The following CTNNA3 variants were observed in gnomAD, a reference collection of about 807,000 sequenced individuals.
The protein encoded by CTNNA3 is catenin alpha-3.
Under a neutral mutation model 95.7 loss-of-function variants are expected in CTNNA3, and 76 were observed. The ratio of observed to expected loss-of-function variants is 0.79; its 90% CI spans 0.66 to 0.96. CTNNA3 has a LOEUF of 0.96. Ranked by LOEUF, CTNNA3 falls within the 40% of genes least tolerant of loss-of-function variation. The probability of loss-of-function intolerance (pLI) is 0.00; values close to 1 mark genes in which losing one functional copy is unlikely to be tolerated. For synonymous variants in CTNNA3, 431 were observed against 374.4 expected (o/e 1.15, Z -1.74); for missense variants, 1,191 against 1,089.8 (o/e 1.09, Z -1.31).
intron 13 of CTNNA3, among the ~76,000 whole-genome samples, chr10:66,237,805 A>G (rs1422588599): frequency 6.6e-6 from 1 of 152,124 alleles, no homozygotes; most frequent in Non-Finnish European, 1.5e-5. Flanking sequence ...AAAATTCTAA[A>G]TAATCATACA....
intron 9 of CTNNA3, among the ~76,000 whole-genome samples, chr10:66,643,790 T>A (rs1007755592): frequency 2.6e-5 from 4 of 152,222 alleles, no homozygotes. Context: ...ATATCCCTTC[T>A]CTTCATTCTA....
chr10:67,699,913 C>G (rs1841021803), upstream of CTNNA3, among the ~76,000 whole-genome samples: 1 of 152,230 alleles, frequency 6.6e-6, no homozygotes, highest in South Asian at 2.1e-4. Flanking sequence ...TCGGGTCACT[C>G]CCACCCTAAT....
intron 7 of CTNNA3, among the ~76,000 whole-genome samples, chr10:66,943,456 A>AT (rs146448697): frequency 0.038 from 5,803 of 151,440 alleles, 222 homozygotes; most frequent in African/African-American, 0.099. Flanking sequence ...CCTGTTCTGA[A>AT]TTTTTTTCCT....
intron 15 of CTNNA3, among the ~76,000 whole-genome samples, chr10:65,995,996 G>T (rs191093431): frequency 4.7e-4 from 72 of 152,310 alleles, no homozygotes; most frequent in Admixed American, 6.5e-4. Flanking sequence ...CCCTGGTAAA[G>T]TGCTGGGTGG....
intron 7 of CTNNA3, among the ~76,000 whole-genome samples, chr10:67,153,742 T>C (rs752635520): frequency 2.0e-5 from 3 of 152,090 alleles, no homozygotes; most frequent in Non-Finnish European, 4.4e-5. Context: ...CAATATTCTT[T>C]ATTGAACTAA....
rs1589232888 is a variant in CTNNA3, at chr10:66,426,737, C to A, written c.1532-47385G>T. ...ATTGTGTTTATTGACCTGTTTGGCCCTCAATGAAGTCTTTCAATTTGAAAG... is the reference window on the plus strand; with the variant it reads ...ATTGTGTTTATTGACCTGTTTGGCCATCAATGAAGTCTTTCAATTTGAAAG... On this transcript the variant is annotated intron_variant, in intron 11 of 17. Coordinates refer to ENST00000433211, the MANE Select transcript of CTNNA3 (RefSeq NM_013266.4). 4.0e-5 allele frequency among the ~76,000 whole-genome samples: 6 copies of A among 151,616 alleles called. 1 individual carries two copies. In the Middle Eastern group the frequency reaches 0.021, roughly 519 times the overall value.
chr10:66,206,900 A>G (rs948030806), intron 13 of CTNNA3, among the ~76,000 whole-genome samples: 1 of 151,908 alleles, frequency 6.6e-6, no homozygotes, highest in Non-Finnish European at 1.5e-5. Context: ...TTAAAAATGT[A>G]TATTCACTCT....
chr10:66,130,425 TG>T (rs2083032474), intron 13 of CTNNA3, among the ~76,000 whole-genome samples: 1 of 143,000 alleles, frequency 7.0e-6, no homozygotes, highest in Non-Finnish European at 1.6e-5. Context: ...AATCAGGATC[TG>T]TTTTTTTTTT....
intron 12 of CTNNA3, among the ~76,000 whole-genome samples, chr10:66,298,141 C>A (rs1366190066): frequency 6.6e-6 from 1 of 152,186 alleles, no homozygotes; most frequent in Middle Eastern, 3.2e-3. Flanking sequence ...AACCCAGCCT[C>A]TAAAATGTGT....
chr10:66,427,499 T>A (rs1395150846), intron 11 of CTNNA3, among the ~76,000 whole-genome samples: 1 of 152,072 alleles, frequency 6.6e-6, no homozygotes, highest in African/African-American at 2.4e-5. Flanking sequence ...AGATTAGTGA[T>A]TAGACAAATG....
At chr10:67,056,856 T>A (rs958037090) in intron 7 of CTNNA3, among the ~76,000 whole-genome samples, 2 of 152,108 alleles carry the variant, frequency 1.3e-5, no homozygotes, top group African/African-American at 4.8e-5. Flanking sequence ...CTCAGGAAGG[T>A]GCATATGAGG....
At chr10:66,900,420 C>A (rs979066375) in intron 7 of CTNNA3, among the ~76,000 whole-genome samples, 2 of 152,056 alleles carry the variant, frequency 1.3e-5, no homozygotes, top group African/African-American at 4.8e-5. Context: ...GGGGAGAAAC[C>A]AGAACAGAAA....
intron 7 of CTNNA3, among the ~76,000 whole-genome samples, chr10:66,970,048 T>C (rs1849633155): frequency 6.6e-6 from 1 of 152,042 alleles, no homozygotes; most frequent in African/African-American, 2.4e-5. Flanking sequence ...GTTCCATAGG[T>C]TTAATGCGTG....
chr10:66,927,018 C>A lies in CTNNA3; in HGVS notation c.1048-151494G>T. 6.2e-7 allele frequency: 1 copy of A among 1,614,102 alleles called. No homozygotes were observed. Among genetic ancestry groups the A allele is most frequent in the East Asian group, 2.2e-5 (1 of 44,862 alleles). ...TGCTTTCTTCTGCCGAACGAGGATG[C>A]CCTAAGGGCTGTAGGTGTGAAGGCA... On this transcript the variant is annotated intron_variant, in intron 7 of 17. Coordinates refer to ENST00000433211, the MANE Select transcript of CTNNA3 (RefSeq NM_013266.4). The surrounding 1 kb of genome is among the most constrained non-coding windows in gnomAD (Gnocchi z 4.7).
At chr10:66,816,703 A>G (rs927278084) in intron 7 of CTNNA3, among the ~76,000 whole-genome samples, 2 of 152,114 alleles carry the variant, frequency 1.3e-5, no homozygotes, top group Admixed American at 1.3e-4. Flanking sequence ...AGAACACTCC[A>G]TCTAAAAATT....
chr10:67,227,084 CT>C (rs113895568), intron 5 of CTNNA3, among the ~76,000 whole-genome samples: 1 of 144,492 alleles, frequency 6.9e-6, no homozygotes, highest in Non-Finnish European at 1.5e-5. Flanking sequence ...GCAAAGGTAG[CT>C]TTTTTTTTCT....
At chr10:67,623,427 G>C (rs1296958561) in intron 2 of CTNNA3, among the ~76,000 whole-genome samples, 1 of 152,038 alleles carries the variant, frequency 6.6e-6, no homozygotes, top group Non-Finnish European at 1.5e-5. Flanking sequence ...AGGGGGTTGT[G>C]GTCAAGGAGA....
chr10:66,715,399 T>A (rs1237653642), intron 9 of CTNNA3, among the ~76,000 whole-genome samples: 1 of 152,046 alleles, frequency 6.6e-6, no homozygotes, highest in East Asian at 1.9e-4. Flanking sequence ...CCCTCCTAGA[T>A]GTTGTCTCAA....
intron 10 of CTNNA3, among the ~76,000 whole-genome samples, chr10:66,594,063 T>C (rs865796663): frequency 6.6e-6 from 1 of 152,130 alleles, no homozygotes; most frequent in Non-Finnish European, 1.5e-5. Context: ...CATTTGGGTA[T>C]CTGAAACAAT....
Sources: gnomAD v4.1 joint callset for allele counts (sites outside exome capture counted in the v4.1 genomes callset) on GRCh38, gnomAD v4.1.1 for gene constraint, Gnocchi (gnomAD v3.1) non-coding constraint, MANE v1.5 for transcripts, NCBI Gene and HGNC (gene_info 2026-07-23, HGNC 2026-07-21) for gene names.